The following NTRK2 variants were observed in gnomAD, a reference collection of about 807,000 sequenced individuals.
NTRK2 encodes the protein neurotrophic receptor tyrosine kinase 2, also known as BDNF/NT-3 growth factors receptor.
A neutral mutation model predicts 94.5 loss-of-function variants in NTRK2; 13 were observed. The observed-to-expected ratio is 0.14, with a 90% confidence interval of 0.09 to 0.22. The LOEUF is 0.22. Ranked by LOEUF, NTRK2 falls within the 10% of genes least tolerant of loss-of-function variation. NTRK2 has a pLI of 1.00. For missense variants in NTRK2, 639 were observed against 1,071.2 expected (o/e 0.60, Z 5.63); for synonymous variants, 372 against 407.4 (o/e 0.91, Z 1.05).
intron 17 of NTRK2, among the ~76,000 whole-genome samples, chr9:84,984,777 G>A (rs868317903): frequency 1.3e-4 from 20 of 152,312 alleles, no homozygotes; most frequent in Middle Eastern, 3.4e-3. Flanking sequence ...AGAGCCGTAG[G>A]TTCGTGTCTT....
At chr9:84,831,674 A>C (rs115397545) in intron 12 of NTRK2, among the ~76,000 whole-genome samples, 208 of 152,342 alleles carry the variant, frequency 1.4e-3, no homozygotes, top group African/African-American at 4.9e-3. Flanking sequence ...GGAGCTAATA[A>C]ATGTCACAGC....
chr9:84,822,907 T>C (rs2072942299), intron 12 of NTRK2, among the ~76,000 whole-genome samples: 1 of 152,190 alleles, frequency 6.6e-6, no homozygotes, highest in African/African-American at 2.4e-5. Context: ...CACTGTCTTA[T>C]CTGAGCTCCA....
chr9:85,021,871 C>A lies in NTRK2; in HGVS notation c.*434C>A, dbSNP rs1832797962. On this transcript the variant is annotated 3_prime_UTR_variant, in exon 19 of 19. Coordinates refer to ENST00000277120, the MANE Select transcript of NTRK2 (RefSeq NM_006180.6). ...ACAACTAACAATGCCTTGTTGTATT[C>A]CTGCCTTTGATGTGGATGAAAAAAA... The A allele has an allele frequency of 3.6e-6, 1 of 276,582 alleles. No individual in the cohort carries two copies. Among genetic ancestry groups the A allele is most frequent in the African/African-American group, 2.2e-5 (1 of 46,164 alleles). The allele number at this position is 276,582 out of a possible 1,614,324, so 17.1% of individuals were successfully genotyped here. A position where few individuals can be genotyped will look rare whatever the true frequency, so the allele number is the denominator to read the frequency against.
intron 14 of NTRK2, among the ~76,000 whole-genome samples, chr9:84,885,210 T>C (rs2076375441): frequency 6.6e-6 from 1 of 152,220 alleles, no homozygotes; most frequent in South Asian, 2.1e-4. Context: ...AATCAGAAGT[T>C]ATTTAGCATG....
At chr9:84,931,747 T>TAAAAAAAAAAAAAA (rs2078043772) in intron 14 of NTRK2, among the ~76,000 whole-genome samples, 1 of 145,644 alleles carries the variant, frequency 6.9e-6, no homozygotes, top group Non-Finnish European at 1.5e-5. Flanking sequence ...AAACCAACGT[T>TAAAAAAAAAAAAAA]AAATACTTGC....
intron 5 of NTRK2, among the ~76,000 whole-genome samples, chr9:84,709,184 A>G (rs2061284066): frequency 6.6e-6 from 1 of 152,224 alleles, no homozygotes; most frequent in African/African-American, 2.4e-5. Context: ...ACCTAAAGAT[A>G]AAAGTGTAAT....
At chr9:84,975,531 G>A (rs1320677411) in intron 17 of NTRK2, among the ~76,000 whole-genome samples, 3 of 152,162 alleles carry the variant, frequency 2.0e-5, no homozygotes, top group Non-Finnish European at 2.9e-5. Context: ...AAGTCAAGTT[G>A]CACAGGCAGT....
chr9:84,914,265 T>C (rs188533552), intron 14 of NTRK2, among the ~76,000 whole-genome samples: 4 of 152,334 alleles, frequency 2.6e-5, no homozygotes, highest in Admixed American at 1.3e-4. Flanking sequence ...TTGAAGCATT[T>C]TCATGATGAC....
chr9:84,806,915 G>A (rs982907134), intron 12 of NTRK2, among the ~76,000 whole-genome samples: 2 of 152,212 alleles, frequency 1.3e-5, no homozygotes, highest in Non-Finnish European at 2.9e-5. Context: ...AGACTTAAAA[G>A]GCATTTGTTT....
At chr9:84,844,749 G>A (rs561227413) in intron 12 of NTRK2, among the ~76,000 whole-genome samples, 32 of 149,956 alleles carry the variant, frequency 2.1e-4, no homozygotes, top group African/African-American at 5.4e-4. Flanking sequence ...GCTTCTATTC[G>A]TTTCTGCCCA....
chr9:84,985,301 A>G (rs990023159), intron 17 of NTRK2, among the ~76,000 whole-genome samples: 3 of 152,178 alleles, frequency 2.0e-5, no homozygotes, highest in Admixed American at 1.3e-4. Context: ...CAGCTGGCCT[A>G]TGTGGTTGAT....
chr9:84,996,414 C>T (rs1015300282), intron 17 of NTRK2, among the ~76,000 whole-genome samples: 23 of 152,244 alleles, frequency 1.5e-4, no homozygotes, highest in African/African-American at 4.8e-4. Flanking sequence ...GACTGTACGC[C>T]GTGGGCAGAG....
chr9:84,924,231 GAAAGAAA>G (rs1564468645), intron 14 of NTRK2, among the ~76,000 whole-genome samples: 12 of 32,024 alleles, frequency 3.7e-4, no homozygotes, highest in African/African-American at 1.4e-3. Flanking sequence ...AAAGAAAGTA[GAAAGAAA>G]GAAAGAAAGA....
intron 12 of NTRK2, among the ~76,000 whole-genome samples, chr9:84,822,328 C>T (rs2072904687): frequency 6.6e-6 from 1 of 152,158 alleles, no homozygotes; most frequent in Admixed American, 6.5e-5. Flanking sequence ...AAAGCCCACT[C>T]ATCTTAGGTT....
chr9:84,763,716 C>T (rs908182685), intron 12 of NTRK2, among the ~76,000 whole-genome samples: 1 of 152,164 alleles, frequency 6.6e-6, no homozygotes, highest in African/African-American at 2.4e-5. Context: ...ATTAAGATAA[C>T]CCTGTAATAA....
chr9:84,975,685 T>C (rs1424265041), intron 17 of NTRK2, among the ~76,000 whole-genome samples: 2 of 152,208 alleles, frequency 1.3e-5, no homozygotes, highest in Non-Finnish European at 2.9e-5. Flanking sequence ...ATTATCATAT[T>C]TTCAAAATAA....
In NTRK2 at chr9:84,861,515, A is replaced by G. The variant is rs1244614621; in HGVS notation, c.1444+428A>G. ...GTTCTGAATTGGTAAATCAGTTTCC[A>G]TTTATGACCATTCCTCTTTCAAAAC... On this transcript the variant is annotated intron_variant, in intron 13 of 18. Coordinates refer to ENST00000277120, the MANE Select transcript of NTRK2 (RefSeq NM_006180.6). 2.0e-5 allele frequency among the ~76,000 whole-genome samples: 3 copies of G among 152,194 alleles called. No homozygotes were observed. In the East Asian group the frequency reaches 5.8e-4, roughly 29 times the overall value.
intron 17 of NTRK2, among the ~76,000 whole-genome samples, chr9:84,992,285 T>A (rs1359494053): frequency 6.6e-6 from 1 of 151,942 alleles, no homozygotes; most frequent in Non-Finnish European, 1.5e-5. Flanking sequence ...ACTACTTACA[T>A]GGCCCAATGG....
chr9:85,005,821 C>T (rs747356762), intron 17 of NTRK2, among the ~76,000 whole-genome samples: 1 of 152,206 alleles, frequency 6.6e-6, no homozygotes, highest in African/African-American at 2.4e-5. Context: ...CCTTGACTGA[C>T]CTACCTTTCT....
Sources: allele counts gnomAD v4.1 joint callset (sites outside exome capture counted in the v4.1 genomes callset), GRCh38; gene constraint gnomAD v4.1.1; transcripts MANE v1.5; gene names NCBI Gene and HGNC (gene_info 2026-07-23, HGNC 2026-07-21).